Variants in CSMD1 observed in about 807,000 individuals in gnomAD.
CSMD1 encodes the protein CUB and sushi domain-containing protein 1.
A neutral mutation model predicts 417.5 loss-of-function variants in CSMD1; 213 were observed. The ratio of observed to expected loss-of-function variants is 0.51; its 90% CI spans 0.46 to 0.57. The LOEUF (loss-of-function observed/expected upper bound fraction) is 0.57. Among genes scored for constraint, CSMD1 ranks in the 20% least tolerant of loss-of-function variants. The probability of loss-of-function intolerance (pLI) is 0.00; values close to 1 mark genes in which losing one functional copy is unlikely to be tolerated. For synonymous variants in CSMD1, 2,862 were observed against 1,736.8 expected, an observed-to-expected ratio of 1.65 and a Z score of -16.11; for missense variants, 6,923 against 4,529.7, an observed-to-expected ratio of 1.53 and a Z score of -15.17.
At chr8:4,139,976 G>T (rs919072386) in intron 3 of CSMD1, among the ~76,000 whole-genome samples, 1 of 145,884 alleles carries the variant, frequency 6.9e-6, no homozygotes, top group Non-Finnish European at 1.5e-5. Context: ...ATGTTTATGT[G>T]GGCAGGGGTT....
At chr8:3,750,533 C>G (rs1201036757) in intron 6 of CSMD1, among the ~76,000 whole-genome samples, 1 of 151,950 alleles carries the variant, frequency 6.6e-6, no homozygotes, top group African/African-American at 2.4e-5. Flanking sequence ...TTTGTTGGCA[C>G]AAATAATATC....
intron 10 of CSMD1, among the ~76,000 whole-genome samples, chr8:3,545,588 A>G (rs1009348706): frequency 6.6e-6 from 1 of 152,034 alleles, no homozygotes; most frequent in African/African-American, 2.4e-5. Context: ...CATGAAGGCT[A>G]CTTATCATGG....
rs998918598 is a variant in CSMD1, at chr8:4,820,264, A to C, written c.85+174068T>G. The stretch of plus-strand genomic sequence containing the variant: ...TGACCCGACTTCACAAAAAATAAAC[A>C]CTACAGACTGCCAGGAACACAGGGC... On this transcript the variant is annotated intron_variant, in intron 1 of 69. Transcript: ENST00000635120. Among the ~76,000 whole-genome samples, 3 of 152,290 alleles carry C rather than the reference A, an allele frequency of 2.0e-5. No homozygotes were observed. In the South Asian group the frequency reaches 6.2e-4, roughly 32 times the overall value.
chr8:3,859,268 GTC>G (rs1804525260), intron 5 of CSMD1, among the ~76,000 whole-genome samples: 1 of 152,232 alleles, frequency 6.6e-6, no homozygotes, highest in Non-Finnish European at 1.5e-5. Flanking sequence ...TCACTGGTGA[GTC>G]TTTCTAGTTT....
intron 5 of CSMD1, among the ~76,000 whole-genome samples, chr8:3,992,735 A>T (rs973701520): frequency 2.6e-5 from 4 of 152,266 alleles, no homozygotes; most frequent in African/African-American, 9.6e-5. Flanking sequence ...GAGCTATGAC[A>T]GCACCACTGT....
At position 3,218,737 on chromosome 8, in the gene CSMD1, T is replaced by G. The variant is rs192154629; in HGVS notation, c.4672+518A>C. 6.6e-5 allele frequency among the ~76,000 whole-genome samples: 10 copies of G among 151,898 alleles called. No homozygotes were observed. In the East Asian group the frequency reaches 2.0e-3, roughly 30 times the overall value. On this transcript the variant is annotated intron_variant, in intron 29 of 69. Transcript: ENST00000635120. The stretch of plus-strand genomic sequence containing the variant: ...AAATACAAAAATTAGCCGTGTATGG[T>G]GGCATGCTCCTGTAATTCCAGCTAC...
At chr8:3,299,223 G>A (rs1431381788) in intron 25 of CSMD1, among the ~76,000 whole-genome samples, 2 of 152,122 alleles carry the variant, frequency 1.3e-5, no homozygotes, top group Non-Finnish European at 2.9e-5. Flanking sequence ...AGGCCGAGGT[G>A]GGTGGATCGC....
At chr8:4,076,913 T>C (rs1019066934) in intron 3 of CSMD1, among the ~76,000 whole-genome samples, 2 of 152,164 alleles carry the variant, frequency 1.3e-5, no homozygotes, top group African/African-American at 4.8e-5. Context: ...AATTTTGAAC[T>C]ATAACATGGA....
At chr8:4,639,356 C>T (rs1009519910) in intron 1 of CSMD1, among the ~76,000 whole-genome samples, 1 of 148,456 alleles carries the variant, frequency 6.7e-6, no homozygotes, top group African/African-American at 2.5e-5. Context: ...AAGCTGAAAA[C>T]GGGGCAGACA....
intron 2 of CSMD1, among the ~76,000 whole-genome samples, chr8:4,528,746 G>A (rs1020971170): frequency 1.3e-5 from 2 of 151,920 alleles, no homozygotes; most frequent in East Asian, 3.9e-4. Flanking sequence ...TAAGTAAGAT[G>A]AGAATGCTGC....
At chr8:3,829,449 G>C (rs1314805335) in intron 5 of CSMD1, among the ~76,000 whole-genome samples, 1 of 152,078 alleles carries the variant, frequency 6.6e-6, no homozygotes, top group African/African-American at 2.4e-5. Flanking sequence ...CATGAATTCA[G>C]GTTATCTGCA....
chr8:4,798,875 G>A (rs1798125987), intron 1 of CSMD1, among the ~76,000 whole-genome samples: 2 of 152,154 alleles, frequency 1.3e-5, no homozygotes, highest in Non-Finnish European at 2.9e-5. Context: ...ATAAATAAAT[G>A]AAAAGATAAA....
At chr8:3,476,238 A>C (rs1217043998) in intron 11 of CSMD1, among the ~76,000 whole-genome samples, 5 of 152,204 alleles carry the variant, frequency 3.3e-5, no homozygotes, top group Admixed American at 3.3e-4. Flanking sequence ...TGACTCTGAA[A>C]TCTTTCATCA....
intron 2 of CSMD1, among the ~76,000 whole-genome samples, chr8:4,600,522 G>A (rs1349194180): frequency 6.6e-6 from 1 of 152,090 alleles, no homozygotes; most frequent in African/African-American, 2.4e-5. Context: ...GTTTTTGTAT[G>A]AAAATTATAA....
chr8:3,509,847 T>C (rs565680151), intron 10 of CSMD1, among the ~76,000 whole-genome samples: 1 of 152,052 alleles, frequency 6.6e-6, no homozygotes, highest in East Asian at 1.9e-4. Context: ...AGGAAGCAAT[T>C]ATCAGGTTGG....
At chr8:3,449,479 C>G (rs1037037157) in intron 12 of CSMD1, among the ~76,000 whole-genome samples, 1 of 151,772 alleles carries the variant, frequency 6.6e-6, no homozygotes, top group African/African-American at 2.4e-5. Flanking sequence ...TATATTTTCT[C>G]TGTGGTGAAG....
intron 3 of CSMD1, among the ~76,000 whole-genome samples, chr8:4,042,439 A>C (rs1260470783): frequency 6.6e-6 from 1 of 152,126 alleles, no homozygotes; most frequent in African/African-American, 2.4e-5. Context: ...ATCTAAATAA[A>C]TTTATATGAC....
chr8:3,355,240 G>A (rs192652086), intron 21 of CSMD1, among the ~76,000 whole-genome samples: 1 of 151,702 alleles, frequency 6.6e-6, no homozygotes, highest in East Asian at 1.9e-4. Context: ...GGCTTATGCT[G>A]ATGTATACAT....
intron 49 of CSMD1, among the ~76,000 whole-genome samples, chr8:3,083,610 T>TTTATATATA (rs1563320333): frequency 6.8e-4 from 21 of 30,924 alleles, no homozygotes; most frequent in African/African-American, 2.4e-3. Flanking sequence ...ACCATAATTT[T>TTTATATATA]TATATATATA....
Sources: allele counts gnomAD v4.1 joint callset (sites outside exome capture counted in the v4.1 genomes callset), GRCh38; gene constraint gnomAD v4.1.1; transcripts MANE v1.5; gene names NCBI Gene and HGNC (gene_info 2026-07-23, HGNC 2026-07-21).